Variants in FGF14 observed in about 807,000 individuals in gnomAD.
FGF14 encodes the protein fibroblast growth factor 14, also known as fibroblast growth factor homologous factor 4.
A neutral mutation model predicts 25.5 loss-of-function variants in FGF14; 5 were observed. The ratio of observed to expected loss-of-function variants is 0.20; its 90% CI spans 0.10 to 0.41. The LOEUF (loss-of-function observed/expected upper bound fraction) is 0.41. FGF14 is among the 10% of genes least tolerant of loss of function. FGF14 has a pLI of 1.00. For missense variants in FGF14, 222 were observed against 320.1 expected, an observed-to-expected ratio of 0.69 and a Z score of 2.34; for synonymous variants, 138 against 118.3, an observed-to-expected ratio of 1.17 and a Z score of -1.08.
intron 1 of FGF14, among the ~76,000 whole-genome samples, chr13:102,040,381 G>A (rs2139993217): frequency 6.6e-6 from 1 of 152,174 alleles, no homozygotes; most frequent in Non-Finnish European, 1.5e-5. Context: ...AGAGGGTGCT[G>A]ATTAAATGTT....
At chr13:102,088,708 ATATC>A (rs2044036005) in intron 1 of FGF14, among the ~76,000 whole-genome samples, 1 of 152,190 alleles carries the variant, frequency 6.6e-6, no homozygotes, top group Non-Finnish European at 1.5e-5. Flanking sequence ...TTAGACATAT[ATATC>A]TAATCTAATA....
At chr13:102,109,777 G>A (rs552522051) in intron 1 of FGF14, among the ~76,000 whole-genome samples, 62 of 151,962 alleles carry the variant, frequency 4.1e-4, no homozygotes, top group Admixed American at 7.2e-4. Context: ...CTGCCACAAC[G>A]CCCAGGTAAT....
intron 1 of FGF14, among the ~76,000 whole-genome samples, chr13:101,964,499 T>C (rs1168420034): frequency 6.6e-6 from 1 of 152,184 alleles, no homozygotes; most frequent in Non-Finnish European, 1.5e-5. Context: ...TCTTGTGACA[T>C]TGCCTGACAC....
chr13:102,367,456 C>T (rs577638698), intron 1 of FGF14: 1 of 152,346 alleles, frequency 6.6e-6, no homozygotes, highest in African/African-American at 2.4e-5. Context: ...GACCTAGTCC[C>T]AGAAGTCACA....
chr13:102,116,560 C>T (rs1246264734), intron 1 of FGF14, among the ~76,000 whole-genome samples: 3 of 151,824 alleles, frequency 2.0e-5, no homozygotes, highest in Non-Finnish European at 4.4e-5. Flanking sequence ...GTAAAATAAG[C>T]CAGGCAAGAA....
intron 3 of FGF14, among the ~76,000 whole-genome samples, chr13:101,756,044 T>C (rs1444083084): frequency 6.6e-6 from 1 of 152,176 alleles, no homozygotes; most frequent in African/African-American, 2.4e-5. Flanking sequence ...TATGCCATTG[T>C]TACAGATACT....
rs2049169445 is a variant in FGF14 at position 102,192,547 on chromosome 13, TCTC to T, written c.208+208921_208+208923del. ...AACAATTTCTTCTTCAACTTCTCTC[TCTC>T]CTTTCACATTTTACCATAAACAGGA... is the stretch of plus-strand genomic sequence containing the variant. On this transcript the variant is annotated intron_variant, in intron 1 of 4. Coordinates refer to the FGF14 transcript ENST00000376131. Among the ~76,000 whole-genome samples the T allele has an allele frequency of 3.9e-5, 6 of 152,150 alleles. No individual in the cohort carries two copies. In the South Asian group the frequency reaches 1.2e-3, roughly 32 times the overall value.
At chr13:102,096,035 A>T (rs1181541561) in intron 1 of FGF14, among the ~76,000 whole-genome samples, 1 of 149,112 alleles carries the variant, frequency 6.7e-6, no homozygotes, top group East Asian at 1.9e-4. Flanking sequence ...TCTTTATTTG[A>T]CATAAAGAGG....
At chr13:102,389,818 A>G (rs2058390226) in intron 1 of FGF14, among the ~76,000 whole-genome samples, 1 of 152,174 alleles carries the variant, frequency 6.6e-6, no homozygotes, top group African/African-American at 2.4e-5. Flanking sequence ...CAGGGAACTG[A>G]CAACCACATG....
chr13:102,315,952 A>C (rs972771279), intron 1 of FGF14, among the ~76,000 whole-genome samples: 2 of 152,220 alleles, frequency 1.3e-5, no homozygotes, highest in Non-Finnish European at 2.9e-5. Flanking sequence ...GCAAAAAAGC[A>C]GAAACTAGGA....
At chr13:101,827,895 T>C (rs1165737538) in intron 3 of FGF14, among the ~76,000 whole-genome samples, 4 of 145,150 alleles carry the variant, frequency 2.8e-5, no homozygotes, top group Non-Finnish European at 6.1e-5. Flanking sequence ...TTTAAGCAAA[T>C]CGTCTTCAAA....
chr13:101,748,043 T>C (rs1052322613), intron 3 of FGF14, among the ~76,000 whole-genome samples: 2 of 151,982 alleles, frequency 1.3e-5, no homozygotes, highest in African/African-American at 4.8e-5. Context: ...ACAGTATTTA[T>C]GGAAAACAGT....
intron 1 of FGF14, among the ~76,000 whole-genome samples, chr13:102,068,904 G>A (rs541404375): frequency 1.3e-5 from 2 of 150,800 alleles, no homozygotes; most frequent in Non-Finnish European, 2.9e-5. Flanking sequence ...CAGCCCCAGT[G>A]CAGGATCCAC....
intron 1 of FGF14, among the ~76,000 whole-genome samples, chr13:102,043,418 G>A (rs992045199): frequency 3.9e-5 from 6 of 152,070 alleles, no homozygotes; most frequent in African/African-American, 9.7e-5. Flanking sequence ...TTCATCCAAC[G>A]CTTACTCTAG....
chr13:102,267,848 C>T (rs2141145724), intron 1 of FGF14, among the ~76,000 whole-genome samples: 1 of 151,862 alleles, frequency 6.6e-6, no homozygotes, highest in East Asian at 1.9e-4. Flanking sequence ...AAATTGTATA[C>T]AGTTAATCAA....
chr13:102,030,241 A>G (rs887383175), intron 1 of FGF14, among the ~76,000 whole-genome samples: 3 of 152,098 alleles, frequency 2.0e-5, no homozygotes, highest in African/African-American at 7.2e-5. Context: ...TGTACTTTGT[A>G]AAGTCTTCTT....
rs919987190 is a variant in FGF14, at chr13:101,718,195, T to G, written c.*4636A>C. 6.6e-6 allele frequency: 1 copy of G among 152,160 alleles called. No homozygotes were observed. Among genetic ancestry groups the G allele is most frequent in the Non-Finnish European group, 1.5e-5 (1 of 68,010 alleles). 9.4% of individuals were successfully genotyped at this position (152,160 alleles called of 1,614,324 possible). A position where few individuals can be genotyped will look rare whatever the true frequency, so the allele number is the denominator to read the frequency against. On this transcript the variant is annotated 3_prime_UTR_variant, in exon 5 of 5. Coordinates refer to ENST00000376143, the MANE Select transcript of FGF14 (RefSeq NM_004115.4). ...TTTTTCTTTGAAAACAGAAATATTT[T>G]TACTTATTTCTGTCCACTATGTTTG...
At chr13:101,759,386 G>A (rs1036591923) in intron 3 of FGF14, among the ~76,000 whole-genome samples, 18 of 152,126 alleles carry the variant, frequency 1.2e-4, no homozygotes, top group African/African-American at 4.3e-4. Flanking sequence ...AGATCATAAC[G>A]CATCAGTGGG....
intron 1 of FGF14, among the ~76,000 whole-genome samples, chr13:101,913,126 T>C (rs1472674122): frequency 2.6e-5 from 4 of 152,224 alleles, no homozygotes; most frequent in African/African-American, 4.8e-5. Context: ...AAAATGAGAA[T>C]AATTTCATAA....
Sources: gnomAD v4.1 joint callset for allele counts (sites outside exome capture counted in the v4.1 genomes callset) on GRCh38, gnomAD v4.1.1 for gene constraint, MANE v1.5 for transcripts, NCBI Gene and HGNC (gene_info 2026-07-23, HGNC 2026-07-21) for gene names.